PPP4R3B: variants seen among roughly 807,000 people sequenced by gnomAD.
The protein encoded by PPP4R3B is protein phosphatase 4 regulatory subunit 3B, also known as serine/threonine-protein phosphatase 4 regulatory subunit 3B.
Under a neutral mutation model 95.4 loss-of-function variants are expected in PPP4R3B, and 52 were observed. The ratio of observed to expected loss-of-function variants is 0.54; its 90% confidence interval spans 0.44 to 0.69. The LOEUF (loss-of-function observed/expected upper bound fraction) is 0.69. Ranked by LOEUF, PPP4R3B falls within the 30% of genes least tolerant of loss-of-function variation. The pLI is 0.00. For missense variants in PPP4R3B, 1,003 were observed against 1,005.9 expected (o/e 1.00, Z 0.04); for synonymous variants, 407 against 343.9 (o/e 1.18, Z -2.03).
At chr2:55,595,311 C>T (rs1479910393) in intron 4 of PPP4R3B, among the ~76,000 whole-genome samples, 1 of 151,942 alleles carries the variant, frequency 6.6e-6, no homozygotes, top group Non-Finnish European at 1.5e-5. Flanking sequence ...AGGCATGAGC[C>T]ACCACACCCA....
At chr2:55,615,592 T>G (rs1305863921) in intron 1 of PPP4R3B, 86 bp from the exon 2 acceptor site, 2 of 907,260 alleles carry the variant, frequency 2.2e-6, no homozygotes, top group Non-Finnish European at 3.4e-6. Flanking sequence ...CCGGGCGCAG[T>G]GGCTCACGTC....
At chr2:55,589,991 A>T (rs1038601382) in intron 4 of PPP4R3B, among the ~76,000 whole-genome samples, 6 of 144,646 alleles carry the variant, frequency 4.1e-5, no homozygotes, top group Admixed American at 7.1e-5. Context: ...TTAATATATT[A>T]TATATATATA....
At chr2:55,557,766 G>A (rs1477578933) in intron 16 of PPP4R3B, among the ~76,000 whole-genome samples, 1 of 151,890 alleles carries the variant, frequency 6.6e-6, no homozygotes, top group Non-Finnish European at 1.5e-5. Flanking sequence ...TTATACAATA[G>A]TTGTCCCCTA....
chr2:55,574,605 T>C (rs1688407348), intron 11 of PPP4R3B, among the ~76,000 whole-genome samples: 1 of 152,020 alleles, frequency 6.6e-6, no homozygotes, highest in Non-Finnish European at 1.5e-5. Flanking sequence ...TTCTTTTTTT[T>C]TTTTTTGATA....
chr2:55,586,246 T>C (rs999812606), intron 6 of PPP4R3B, among the ~76,000 whole-genome samples: 2 of 152,130 alleles, frequency 1.3e-5, no homozygotes, highest in South Asian at 2.1e-4. Context: ...ATAAAACTCA[T>C]ATAAACAAAA....
chr2:55,594,037 C>T (rs150343316), intron 4 of PPP4R3B, among the ~76,000 whole-genome samples: 1 of 152,188 alleles, frequency 6.6e-6, no homozygotes, highest in East Asian at 1.9e-4. Context: ...AGCTGGAGGC[C>T]ATTATCCTAA....
At chr2:55,592,050 GAA>G (rs574749611) in intron 4 of PPP4R3B, among the ~76,000 whole-genome samples, 105 of 151,988 alleles carry the variant, frequency 6.9e-4, no homozygotes, top group African/African-American at 2.2e-3. Flanking sequence ...ACACTGTGGG[GAA>G]AAAAAGAGGT....
At chr2:55,598,326 CA>C (rs1559031472) in intron 4 of PPP4R3B, 89 bp downstream of exon 4, 3 of 1,310,520 alleles carry the variant, frequency 2.3e-6, no homozygotes, top group African/African-American at 1.5e-5. Flanking sequence ...ATAAATCTTT[CA>C]AAAAATAGAG....
At chr2:55,598,367 G>T (rs1460339644) in intron 4 of PPP4R3B, 49 bp downstream of exon 4, 5 of 1,566,290 alleles carry the variant, frequency 3.2e-6, no homozygotes, top group South Asian at 1.2e-5. Flanking sequence ...ACTATTAAGG[G>T]AACTAAATAT....
chr2:55,564,450 G>C lies in PPP4R3B; in HGVS notation c.2123C>G (p.Ala708Gly), dbSNP rs1171056549. 1 of 1,612,060 alleles carries C rather than the reference G, an allele frequency of 6.2e-7. No homozygotes were observed. Among genetic ancestry groups the C allele is most frequent in the East Asian group, 2.2e-5 (1 of 44,744 alleles). The change falls in exon 15 of 17, where the codon GCC (alanine) becomes GGC (glycine). Residue 708 changes from alanine to glycine, a missense_variant. By Grantham distance (60) the Ala-to-Gly change is moderately conservative. This residue lies in a region of PPP4R3B where 229 missense variants were observed against 194.7 expected (regional missense o/e 1.18). Coordinates refer to ENST00000616407, the MANE Select transcript of PPP4R3B (RefSeq NM_001122964.3). ...RSNRFRRDAKALEEDEEMWFN... is the reference protein window; with the variant it reads ...RSNRFRRDAKGLEEDEEMWFN... ...CCACATTTCTTCATCCTCTTCCAAG[G>C]CTTTTGCATCTCTGCGAAATCTGTT...
rs1344921607 is a variant in PPP4R3B at position 55,548,138 on chromosome 2, A to G, written c.*1773T>C. The stretch of plus-strand genomic sequence containing the variant: ...ACACCTTTAATTGAAAAGGTGAGAA[A>G]AGCTCCATACTGTGATGCTATGATT... On this transcript the variant is annotated 3_prime_UTR_variant, in exon 17 of 17. Coordinates refer to ENST00000616407, the MANE Select transcript of PPP4R3B (RefSeq NM_001122964.3). 2 of 152,222 alleles carry G rather than the reference A, an allele frequency of 1.3e-5. No homozygotes were observed. Among genetic ancestry groups the G allele is most frequent in the Non-Finnish European group, 2.9e-5 (2 of 68,038 alleles). The allele number at this position is 152,222 out of a possible 1,614,324, so 9.4% of individuals were successfully genotyped here. A position where few individuals can be genotyped will look rare whatever the true frequency, so the allele number is the denominator to read the frequency against.
chr2:55,594,185 A>C (rs984011888), intron 4 of PPP4R3B, among the ~76,000 whole-genome samples: 5 of 152,002 alleles, frequency 3.3e-5, no homozygotes, highest in Admixed American at 1.3e-4. Context: ...TTTAAAAATT[A>C]TCTACTGGGC....
intron 6 of PPP4R3B, among the ~76,000 whole-genome samples, chr2:55,586,091 T>G (rs112232073): frequency 6.6e-6 from 1 of 152,198 alleles, no homozygotes; most frequent in African/African-American, 2.4e-5. Context: ...AAAAAATTAT[T>G]TTTCATAAAA....
rs780799548 is a variant in PPP4R3B at position 55,581,555 on chromosome 2, G to A, written c.1365+12C>T. 37 of 1,604,452 alleles carry A rather than the reference G, an allele frequency of 2.3e-5. No homozygotes were observed. The highest frequency in any genetic ancestry group is 4.0e-5 in the African/African-American group (3 of 74,448). On this transcript the variant is annotated intron_variant, in intron 8 of 16. Transcript: ENST00000616407. ...TAGGCCAAAACATTTTTATCTCAGA[G>A]TAATTTCTTACATTAGTTGTAGCCA...
chr2:55,614,792 C>G (rs757823765), intron 2 of PPP4R3B: 5 of 152,152 alleles, frequency 3.3e-5, no homozygotes, highest in African/African-American at 1.2e-4. Context: ...ATTCTCTGTA[C>G]TTTTCAATTT....
chr2:55,550,139 A>T, intron 16 of PPP4R3B, 133 bp from the exon 17 acceptor site: 2 of 652,704 alleles, frequency 3.1e-6, no homozygotes, highest in Non-Finnish European at 5.2e-6. Flanking sequence ...TTTGAATTTG[A>T]TAAAGGAACT....
intron 15 of PPP4R3B, among the ~76,000 whole-genome samples, chr2:55,560,468 A>G (rs1235176952): frequency 6.6e-6 from 1 of 152,138 alleles, no homozygotes; most frequent in Non-Finnish European, 1.5e-5. Flanking sequence ...AGAAATTTCT[A>G]AGCAGCAAAG....
intron 2 of PPP4R3B, among the ~76,000 whole-genome samples, chr2:55,613,770 T>A (rs1194134425): frequency 6.6e-6 from 1 of 151,410 alleles, no homozygotes; most frequent in African/African-American, 2.4e-5. Flanking sequence ...AAGAACAAAG[T>A]TCCTGATAAT....
intron 2 of PPP4R3B, among the ~76,000 whole-genome samples, chr2:55,608,743 T>C (rs1197765349): frequency 1.3e-5 from 2 of 152,168 alleles, no homozygotes; most frequent in Non-Finnish European, 2.9e-5. Flanking sequence ...CCAGCACTTT[T>C]GGAGCCCAAA....
Sources: gnomAD v4.1 joint callset for allele counts (sites outside exome capture counted in the v4.1 genomes callset) on GRCh38, gnomAD v4.1.1 for gene constraint, gnomAD v4.1.1 regional missense constraint, MANE v1.5 for transcripts, NCBI Gene and HGNC (gene_info 2026-07-23, HGNC 2026-07-21) for gene names.